Variants in COLEC10 observed in about 807,000 individuals in gnomAD.
The protein encoded by COLEC10 is collectin-10.
A neutral mutation model predicts 28.4 loss-of-function variants in COLEC10; 22 were observed. The ratio of observed to expected loss-of-function variants is 0.78; its 90% CI spans 0.55 to 1.11. The LOEUF (loss-of-function observed/expected upper bound fraction) is 1.11. Among genes scored for constraint, COLEC10 ranks in the 50% least tolerant of loss-of-function variants. COLEC10 has a pLI of 0.00. For synonymous variants in COLEC10, 125 were observed against 116.1 expected, an observed-to-expected ratio of 1.08 and a Z score of -0.49; for missense variants, 361 against 344.1, an observed-to-expected ratio of 1.05 and a Z score of -0.39.
Position 119,091,142 on chromosome 8 carries a change from T to A in COLEC10, c.221-7T>A. On this transcript the variant is annotated splice_region_variant and splice_polypyrimidine_tract_variant and intron_variant, in intron 2 of 5. Coordinates refer to ENST00000332843, the MANE Select transcript of COLEC10 (RefSeq NM_006438.5). ...TATGATAAAAAGATAACATGTTTGCTTTTCAGGAATTAAAGGAGAACTGGG... is the reference window on the plus strand; with the variant it reads ...TATGATAAAAAGATAACATGTTTGCATTTCAGGAATTAAAGGAGAACTGGG... 6.2e-7 allele frequency: 1 copy of A among 1,610,756 alleles called. No homozygotes were observed. The highest frequency in any genetic ancestry group is 8.5e-7 in the Non-Finnish European group (1 of 1,177,340).
chr8:119,044,028 C>T (rs1056618337), intron 2 of COLEC10, among the ~76,000 whole-genome samples: 5 of 152,168 alleles, frequency 3.3e-5, no homozygotes, highest in Non-Finnish European at 7.4e-5. Context: ...ACAGGAATGC[C>T]TGAAGGTACA....
At chr8:118,999,633 G>A (rs1813654834) in intron 1 of COLEC10, among the ~76,000 whole-genome samples, 1 of 151,062 alleles carries the variant, frequency 6.6e-6, no homozygotes, top group Non-Finnish European at 1.5e-5. Flanking sequence ...CTGAGAAAGA[G>A]TTTTCCTCAA....
chr8:119,082,227 T>A (rs1815384136), intron 1 of COLEC10, among the ~76,000 whole-genome samples: 1 of 152,096 alleles, frequency 6.6e-6, no homozygotes, highest in Non-Finnish European at 1.5e-5. Context: ...GGCAGTGGTG[T>A]GTGTATTTGC....
intron 2 of COLEC10, among the ~76,000 whole-genome samples, chr8:119,037,163 C>G (rs927874100): frequency 6.6e-6 from 1 of 152,144 alleles, no homozygotes; most frequent in Non-Finnish European, 1.5e-5. Context: ...CAGAGAAGGA[C>G]CCATACAATC....
chr8:119,009,709 A>G (rs1027019502), intron 2 of COLEC10, among the ~76,000 whole-genome samples: 2 of 150,670 alleles, frequency 1.3e-5, no homozygotes, highest in African/African-American at 5.0e-5. Context: ...CCTTTGGGAG[A>G]CTGGGTAAAT....
chr8:119,059,069 T>G (rs1814809950), intron 2 of COLEC10, among the ~76,000 whole-genome samples: 1 of 152,074 alleles, frequency 6.6e-6, no homozygotes, highest in Non-Finnish European at 1.5e-5. Flanking sequence ...TTTAAAAATT[T>G]TGCCCATTTT....
the COLEC10 span, among the ~76,000 whole-genome samples, chr8:118,960,274 A>G: frequency 6.6e-6 from 1 of 152,200 alleles, no homozygotes; most frequent in Non-Finnish European, 1.5e-5. Context: ...GGAAAGGGCT[A>G]AGAAAAAGCA....
At chr8:119,068,271 C>T (rs1397250953) in intron 1 of COLEC10, 2 of 152,124 alleles carry the variant, frequency 1.3e-5, no homozygotes, top group East Asian at 3.9e-4. Flanking sequence ...AAATACATTG[C>T]CCCATGCCTG....
At chr8:119,019,801 T>TCTA (rs1333137492) in intron 2 of COLEC10, among the ~76,000 whole-genome samples, 2 of 152,204 alleles carry the variant, frequency 1.3e-5, no homozygotes, top group African/African-American at 2.4e-5. Context: ...AAGCACAGCA[T>TCTA]CTAGCATTTA....
At chr8:119,055,083 G>A (rs773463110) in intron 2 of COLEC10, among the ~76,000 whole-genome samples, 34 of 151,924 alleles carry the variant, frequency 2.2e-4, no homozygotes, top group East Asian at 5.8e-4. Context: ...CAGTAGAGTT[G>A]AAATAAATAT....
At chr8:119,084,702 A>C (rs1815435929) in intron 1 of COLEC10, among the ~76,000 whole-genome samples, 1 of 152,226 alleles carries the variant, frequency 6.6e-6, no homozygotes, top group South Asian at 2.1e-4. Context: ...TACCCTTTAA[A>C]AACACTTACT....
the COLEC10 span, among the ~76,000 whole-genome samples, chr8:118,955,210 A>G: frequency 3.9e-5 from 6 of 152,230 alleles, no homozygotes. Context: ...TCCTTAAAAA[A>G]CACAATTTTA....
upstream of COLEC10, among the ~76,000 whole-genome samples, chr8:119,062,605 G>C (rs952244242): frequency 6.6e-6 from 1 of 151,770 alleles, no homozygotes; most frequent in Non-Finnish European, 1.5e-5. Context: ...TCAACCTCCT[G>C]AGTAGCTGGT....
chr8:119,017,348 G>C (rs1814012679), intron 2 of COLEC10, among the ~76,000 whole-genome samples: 1 of 152,176 alleles, frequency 6.6e-6, no homozygotes, highest in Non-Finnish European at 1.5e-5. Context: ...ACCCTTTGGT[G>C]ATCAGCAATT....
chr8:119,033,213 C>T (rs1439194578), intron 2 of COLEC10, among the ~76,000 whole-genome samples: 2 of 150,692 alleles, frequency 1.3e-5, no homozygotes, highest in Non-Finnish European at 2.9e-5. Context: ...ATTTCAGCCA[C>T]AGGCAAGTTA....
At chr8:119,069,629 A>AAAAAAAATATAT (rs1554627284) in intron 1 of COLEC10, among the ~76,000 whole-genome samples, 3 of 42,878 alleles carry the variant, frequency 7.0e-5, no homozygotes, top group Non-Finnish European at 1.3e-4. Flanking sequence ...AAAAAAAAAA[A>AAAAAAAATATAT]ATATATATAT....
chr8:119,079,288 C>T (rs764655932), intron 1 of COLEC10, among the ~76,000 whole-genome samples: 3 of 152,164 alleles, frequency 2.0e-5, no homozygotes, highest in Non-Finnish European at 4.4e-5. Flanking sequence ...GAGGGAGGCA[C>T]TTCATTATTC....
chr8:118,987,978 G>A, the COLEC10 span, among the ~76,000 whole-genome samples: 6 of 152,130 alleles, frequency 3.9e-5, no homozygotes, highest in Non-Finnish European at 8.8e-5. Flanking sequence ...ATCAACGCAT[G>A]TTTGGTTCTA....
intron 4 of COLEC10, 187 bp downstream of exon 4, chr8:119,102,588 G>A (rs1815859012): frequency 5.7e-6 from 3 of 529,016 alleles, no homozygotes; most frequent in Non-Finnish European, 9.8e-6. Context: ...CAAGCCTTGG[G>A]GACAGGGATG....
Sources: gnomAD v4.1 joint callset for allele counts (sites outside exome capture counted in the v4.1 genomes callset) on GRCh38, gnomAD v4.1.1 for gene constraint, MANE v1.5 for transcripts, NCBI Gene and HGNC (gene_info 2026-07-23, HGNC 2026-07-21) for gene names.